The following TNFSF15 variants were observed in gnomAD, a reference collection of about 807,000 sequenced individuals.
The protein encoded by TNFSF15 is tumor necrosis factor ligand superfamily member 15.
In TNFSF15, 15 loss-of-function variants were observed where a neutral mutation model predicts 26.4. The ratio of observed to expected loss-of-function variants is 0.57; its 90% CI spans 0.38 to 0.87. The LOEUF (loss-of-function observed/expected upper bound fraction) is 0.87, where lower values mean the gene tolerates loss of function less well. Among genes scored for constraint, TNFSF15 ranks in the 40% least tolerant of loss-of-function variants. The pLI is 0.00. For missense variants in TNFSF15, 290 were observed against 306.1 expected (o/e 0.95, Z 0.39); for synonymous variants, 116 against 115.0 (o/e 1.01, Z -0.06).
rs765727909 is a variant in TNFSF15 at position 114,790,646 on chromosome 9, A to C, written c.562T>G (p.Tyr188Asp). 6.2e-7 allele frequency: 1 copy of C among 1,614,072 alleles called. No individual in the cohort carries two copies. Residue 188 changes from tyrosine to aspartate, a missense_variant, in exon 4 of 4, where the codon TAC (tyrosine) becomes GAC (aspartate). Physicochemically the swap from Tyr to Asp is radical, Grantham distance 160. This residue lies in a region of TNFSF15 where 102 missense variants were observed against 114.7 expected (regional missense o/e 0.89). Transcript: ENST00000374045. ...TVVITKVTDSYPEPTQLLMGT... is the reference protein window; with the variant it reads ...TVVITKVTDSDPEPTQLLMGT... ...ATGAGGAGCTGGGTTGGCTCAGGGT[A>C]GCTGTCTGTTACCTTGGTGATGACC... is the stretch of plus-strand genomic sequence containing the variant.
At chr9:114,802,227 A>G (rs1252024859) in intron 1 of TNFSF15, among the ~76,000 whole-genome samples, 3 of 151,960 alleles carry the variant, frequency 2.0e-5, no homozygotes, top group Non-Finnish European at 2.9e-5. Context: ...GGATTTCTAG[A>G]TTGGGAGAAG....
intron 1 of TNFSF15, among the ~76,000 whole-genome samples, chr9:114,803,345 G>C (rs998210027): frequency 6.6e-6 from 1 of 152,032 alleles, no homozygotes; most frequent in Non-Finnish European, 1.5e-5. Context: ...ACGCCTTATT[G>C]GTGCTGTCAG....
intron 3 of TNFSF15, 96 bp downstream of exon 3, chr9:114,792,311 C>T: frequency 6.8e-7 from 1 of 1,462,362 alleles, no homozygotes; most frequent in Non-Finnish European, 9.2e-7. Context: ...ATGTAGTTTT[C>T]ATTTTAAGCC....
At position 114,785,023 on chromosome 9, in the gene TNFSF15, AT is replaced by A. The variant is rs1223924219; in HGVS notation, c.*5428del. 6.6e-6 allele frequency: 1 copy of A among 152,238 alleles called. No homozygotes were observed. Among genetic ancestry groups the A allele is most frequent in the Non-Finnish European group, 1.5e-5 (1 of 68,044 alleles). 9.4% of individuals were successfully genotyped at this position (152,238 alleles called of 1,614,324 possible). On this transcript the variant is annotated 3_prime_UTR_variant, in exon 4 of 4. Coordinates refer to ENST00000374045, the MANE Select transcript of TNFSF15 (RefSeq NM_005118.4). Reference sequence around the variant, plus strand: ...GCACTGTGTGTCTTGTTCCTCCTGAATGTATACACTGTGAGAGTAGGACTTG... The same window carrying A: ...GCACTGTGTGTCTTGTTCCTCCTGAAGTATACACTGTGAGAGTAGGACTTG...
At chr9:114,799,900 G>A (rs973148378) in intron 1 of TNFSF15, among the ~76,000 whole-genome samples, 1 of 152,102 alleles carries the variant, frequency 6.6e-6, no homozygotes, top group Non-Finnish European at 1.5e-5. Flanking sequence ...CCTTCCCTTT[G>A]CCCACAACCT....
chr9:114,790,828 A>G lies in TNFSF15; in HGVS notation c.380T>C (p.Phe127Ser), dbSNP rs1197127247. Reference sequence around the variant, plus strand: ...GGTATAGTTCATTCGGTTCTTGGTGAAGGCCAGGCCTAGTTCATGTTCCCA... The same window carrying G: ...GGTATAGTTCATTCGGTTCTTGGTGGAGGCCAGGCCTAGTTCATGTTCCCA... ...LHWEHELGLA[F>S]TKNRMNYTNK... Residue 127 changes from phenylalanine (F) to serine (S), a missense_variant, in exon 4 of 4, where the codon TTC becomes TCC. By Grantham distance (155) the Phe-to-Ser change is radical. This residue lies in a region of TNFSF15 where 179 missense variants were observed against 165.9 expected (regional missense o/e 1.08). Transcript: ENST00000374045. 1 of 1,614,098 alleles carries G rather than the reference A, an allele frequency of 6.2e-7. No homozygotes were observed. The highest frequency in any genetic ancestry group is 1.1e-5 in the South Asian group (1 of 91,072).
At position 114,790,755 on chromosome 9, in the gene TNFSF15, G is replaced by A. The variant is rs1167770144; in HGVS notation, c.453C>T (p.Ser151=). ...AGGTCATCCCACGGAATGTGACCTG[G>A]GAGTAAATGAAGTAGTCTCCCGACT... ...IPESGDYFIY[S]QVTFRGMTSE... is the part of the protein sequence containing the mutation. The change falls in exon 4 of 4, where the codon TCC becomes TCT. Residue 151 remains serine, a synonymous_variant. Transcript: ENST00000374045. 6.2e-7 allele frequency: 1 copy of A among 1,614,028 alleles called. No homozygotes were observed. Among genetic ancestry groups the A allele is most frequent in the Admixed American group, 1.7e-5 (1 of 60,008 alleles).
At chr9:114,793,052 A>C (rs1209088736) in intron 2 of TNFSF15, among the ~76,000 whole-genome samples, 1 of 152,200 alleles carries the variant, frequency 6.6e-6, no homozygotes, top group African/African-American at 2.4e-5. Flanking sequence ...CAGAAATATT[A>C]TGTTGGATTA....
intron 1 of TNFSF15, among the ~76,000 whole-genome samples, chr9:114,799,731 C>T (rs1829716671): frequency 6.6e-6 from 1 of 152,216 alleles, no homozygotes; most frequent in Non-Finnish European, 1.5e-5. Context: ...GCTCTCCAAG[C>T]TGGCCTGGCA....
intron 1 of TNFSF15, among the ~76,000 whole-genome samples, chr9:114,803,396 G>C (rs189699715): frequency 2.0e-5 from 3 of 152,262 alleles, no homozygotes; most frequent in African/African-American, 4.8e-5. Context: ...AAGGAAAAAG[G>C]CTCAAAGAAA....
chr9:114,797,010 G>GA (rs1399077620), intron 1 of TNFSF15, among the ~76,000 whole-genome samples: 2 of 152,218 alleles, frequency 1.3e-5, no homozygotes, highest in African/African-American at 4.8e-5. Context: ...TGGCAAGGCA[G>GA]AAAACTGAAG....
chr9:114,804,911 A>G (rs1047228521), intron 1 of TNFSF15, among the ~76,000 whole-genome samples: 12 of 152,132 alleles, frequency 7.9e-5, no homozygotes, highest in Non-Finnish European at 4.4e-5. Context: ...GCAATTTAAT[A>G]CTTTGAACTG....
At chr9:114,797,522 T>G (rs980321419) in intron 1 of TNFSF15, among the ~76,000 whole-genome samples, 14 of 152,230 alleles carry the variant, frequency 9.2e-5, no homozygotes, top group African/African-American at 3.4e-4. Context: ...CAGTAATGAA[T>G]GAGGAAGAAA....
intron 1 of TNFSF15, among the ~76,000 whole-genome samples, chr9:114,804,384 G>C (rs1038706325): frequency 2.6e-5 from 4 of 152,106 alleles, no homozygotes; most frequent in African/African-American, 9.7e-5. Context: ...CTGCTTGCTG[G>C]TCTTCTAGAT....
intron 2 of TNFSF15, 82 bp from the exon 3 acceptor site, chr9:114,792,536 C>T (rs758980080): frequency 5.0e-6 from 8 of 1,601,540 alleles, no homozygotes; most frequent in South Asian, 2.2e-5. Context: ...TGCATGGCGC[C>T]TATGATAGGA....
At chr9:114,790,993 A>G (rs775368530) in intron 3 of TNFSF15, 87 bp from the exon 4 acceptor site, 4 of 1,357,874 alleles carry the variant, frequency 2.9e-6, no homozygotes, top group Middle Eastern at 3.7e-4. Flanking sequence ...TTCAAAATAG[A>G]CTAAAGTGAT....
At chr9:114,796,055 C>A (rs1829669198) in intron 1 of TNFSF15, among the ~76,000 whole-genome samples, 1 of 152,238 alleles carries the variant, frequency 6.6e-6, no homozygotes, top group African/African-American at 2.4e-5. Context: ...CCATCCACTT[C>A]TCAATTCTGT....
Position 114,790,674 on chromosome 9 carries a change from A to T in TNFSF15, c.534T>A (p.Thr178=), listed in dbSNP as rs187538454. The T allele has an allele frequency of 1.9e-6, 3 of 1,613,958 alleles. No homozygotes were observed. Among genetic ancestry groups the T allele is most frequent in the Non-Finnish European group, 2.5e-6 (3 of 1,180,012 alleles). ...TGTCTGTTACCTTGGTGATGACCAC[A>T]GTGATGGAGTCTGGCTTGTTTGGTC... ...AGRPNKPDSI[T]VVITKVTDSY... Residue 178 remains threonine, a synonymous_variant, in exon 4 of 4, where the codon ACT becomes ACA. Transcript: ENST00000374045.
In TNFSF15 at chr9:114,805,849, A is replaced by G; in HGVS notation, c.164T>C (p.Leu55Pro). 1 of 1,613,902 alleles carries G rather than the reference A, an allele frequency of 6.2e-7. No homozygotes were observed. The highest frequency in any genetic ancestry group is 8.5e-7 in the Non-Finnish European group (1 of 1,180,034). The change falls in exon 1 of 4, where the codon CTT (leucine) becomes CCT (proline). Residue 55 changes from leucine (L) to proline (P), a missense_variant. Physicochemically the swap from Leu to Pro is moderately conservative, Grantham distance 98 (BLOSUM62 -3). Coordinates refer to ENST00000374045, the MANE Select transcript of TNFSF15 (RefSeq NM_005118.4). ...TCCCTGGGCCCGGAGCTGGCTGACA[A>G]GCAGGTATGTGGTGAGTCCTGCAAG... ...PFLAGLTTYL[L>P]VSQLRAQGEA...
Sources: allele counts gnomAD v4.1 joint callset (sites outside exome capture counted in the v4.1 genomes callset), GRCh38; gene constraint gnomAD v4.1.1; regional missense constraint gnomAD v4.1.1; transcripts MANE v1.5; gene names NCBI Gene and HGNC (gene_info 2026-07-23, HGNC 2026-07-21).